Variants in SGCD observed in about 807,000 individuals in gnomAD.
SGCD encodes the protein sarcoglycan delta, also known as delta-sarcoglycan.
Under a neutral mutation model 36.6 loss-of-function variants are expected in SGCD, and 18 were observed. The observed-to-expected ratio is 0.49, with a 90% CI of 0.34 to 0.73. SGCD has a LOEUF of 0.73. Among genes scored for constraint, SGCD ranks in the 30% least tolerant of loss-of-function variants. The probability of loss-of-function intolerance (pLI) is 0.01; values close to 1 mark genes in which losing one functional copy is unlikely to be tolerated. For missense variants in SGCD, 387 were observed against 346.7 expected (o/e 1.12, Z -0.92); for synonymous variants, 133 against 130.6 (o/e 1.02, Z -0.12).
intron 3 of SGCD, among the ~76,000 whole-genome samples, chr5:156,307,192 C>A (rs1412127948): frequency 6.6e-6 from 1 of 152,032 alleles, no homozygotes; most frequent in Non-Finnish European, 1.5e-5. Flanking sequence ...TAAGTGTGCA[C>A]CAACATGCCC....
chr5:155,866,850 C>T (rs1274626194), upstream of SGCD, among the ~76,000 whole-genome samples: 2 of 152,148 alleles, frequency 1.3e-5, no homozygotes, highest in Admixed American at 6.5e-5. Flanking sequence ...TTTCCTTACA[C>T]ACACGCATGC....
chr5:156,453,458 T>G (rs1161239564), intron 3 of SGCD, among the ~76,000 whole-genome samples: 1 of 152,172 alleles, frequency 6.6e-6, no homozygotes, highest in Non-Finnish European at 1.5e-5. Flanking sequence ...ACATGAATGT[T>G]CATAGTAGCT....
chr5:156,533,844 A>T lies in SGCD; in HGVS notation c.294+25142A>T, dbSNP rs1345241017. Among the ~76,000 whole-genome samples, 5 of 152,308 alleles carry T rather than the reference A, an allele frequency of 3.3e-5. No individual in the cohort carries two copies. The East Asian group carries it at 9.7e-4, about 29-fold the overall frequency. On this transcript the variant is annotated intron_variant, in intron 4 of 8. Coordinates refer to ENST00000337851, the MANE Select transcript of SGCD (RefSeq NM_000337.6). ...TAAATAATAAGTGCAAGAACCCATAATGATTCTCATTCCTTGAACTGTTCC... is the reference window on the plus strand; with the variant it reads ...TAAATAATAAGTGCAAGAACCCATATTGATTCTCATTCCTTGAACTGTTCC...
intron 1 of SGCD, among the ~76,000 whole-genome samples, chr5:155,988,593 G>GTC (rs1758378057): frequency 6.6e-6 from 1 of 151,652 alleles, no homozygotes; most frequent in Non-Finnish European, 1.5e-5. Context: ...TCCAGTCTCC[G>GTC]TCATACTTTA....
chr5:155,773,006 ACT>A, the SGCD span, among the ~76,000 whole-genome samples: 1 of 151,890 alleles, frequency 6.6e-6, no homozygotes, highest in African/African-American at 2.4e-5. Flanking sequence ...GTAAGTAAGC[ACT>A]CTCTACGTTA....
intron 1 of SGCD, among the ~76,000 whole-genome samples, chr5:156,006,003 A>G (rs1221266385): frequency 6.6e-6 from 1 of 152,258 alleles, no homozygotes; most frequent in East Asian, 1.9e-4. Context: ...TCAGATCTAC[A>G]TTTCTCTCTT....
chr5:156,271,965 C>A (rs1766193044), intron 3 of SGCD, among the ~76,000 whole-genome samples: 1 of 152,136 alleles, frequency 6.6e-6, no homozygotes, highest in South Asian at 2.1e-4. Context: ...TTTGCTTTTC[C>A]TTTCTTAGCA....
chr5:156,500,290 CATA>C (rs1389383861), intron 3 of SGCD, among the ~76,000 whole-genome samples: 4 of 152,140 alleles, frequency 2.6e-5, no homozygotes, highest in African/African-American at 9.7e-5. Context: ...TTTCTGAGCG[CATA>C]ATAATTGCCA....
chr5:156,498,935 CGTGTGTGTGTGTGTGT>C (rs71577198), intron 3 of SGCD, among the ~76,000 whole-genome samples: 1 of 149,350 alleles, frequency 6.7e-6, no homozygotes, highest in Non-Finnish European at 1.5e-5. Context: ...ATGTGTGCTA[CGTGTGTGTGTGTGTGT>C]GTGTGTGTGT....
intron 5 of SGCD, among the ~76,000 whole-genome samples, chr5:156,591,813 T>C (rs953099372): frequency 3.3e-5 from 5 of 152,054 alleles, no homozygotes; most frequent in African/African-American, 1.2e-4. Flanking sequence ...TTCTCTAGAG[T>C]CATTTTTAAG....
chr5:156,756,048 A>G (rs1013825422), intron 7 of SGCD, among the ~76,000 whole-genome samples: 11 of 152,188 alleles, frequency 7.2e-5, no homozygotes, highest in Non-Finnish European at 1.3e-4. Context: ...GCAAAAACAG[A>G]ACAAAGAATC....
intron 1 of SGCD, among the ~76,000 whole-genome samples, chr5:155,979,621 A>G (rs1454837863): frequency 1.3e-5 from 2 of 152,176 alleles, no homozygotes; most frequent in African/African-American, 2.4e-5. Flanking sequence ...GCTCTCCACA[A>G]TTATGCCTAG....
At chr5:156,015,863 T>C (rs996045620) in intron 1 of SGCD, among the ~76,000 whole-genome samples, 1 of 149,986 alleles carries the variant, frequency 6.7e-6, no homozygotes, top group African/African-American at 2.4e-5. Context: ...ATTATATATA[T>C]AATATATGTA....
intron 1 of SGCD, among the ~76,000 whole-genome samples, chr5:156,023,377 C>G (rs1759152678): frequency 6.6e-6 from 1 of 152,220 alleles, no homozygotes; most frequent in South Asian, 2.1e-4. Flanking sequence ...ACCAACCAGT[C>G]AAGTATTGGA....
chr5:156,756,061 T>C (rs1428306398), intron 7 of SGCD, among the ~76,000 whole-genome samples: 1 of 152,120 alleles, frequency 6.6e-6, no homozygotes, highest in Non-Finnish European at 1.5e-5. Context: ...AAAGAATCAA[T>C]AGTGGGCAAG....
chr5:156,147,073 G>T (rs1337207792), intron 3 of SGCD, among the ~76,000 whole-genome samples: 2 of 152,048 alleles, frequency 1.3e-5, no homozygotes, highest in African/African-American at 4.8e-5. Flanking sequence ...AGATGGTAAA[G>T]CTGGGTCAAA....
intron 3 of SGCD, among the ~76,000 whole-genome samples, chr5:156,277,520 A>G (rs1226325925): frequency 6.6e-6 from 1 of 152,206 alleles, no homozygotes; most frequent in Non-Finnish European, 1.5e-5. Flanking sequence ...TATTGACCAC[A>G]GCATAATAAA....
At chr5:156,631,629 A>G (rs1762638243) in intron 6 of SGCD, among the ~76,000 whole-genome samples, 1 of 151,812 alleles carries the variant, frequency 6.6e-6, no homozygotes, top group Non-Finnish European at 1.5e-5. Flanking sequence ...ATTGGTAAGC[A>G]AAGATTGGGA....
At position 156,070,611 on chromosome 5, in the gene SGCD, G is replaced by T. The variant is rs551946832; in HGVS notation, c.-281-47267G>T. 1.9e-3 allele frequency among the ~76,000 whole-genome samples: 286 copies of T among 152,154 alleles called. 1 individual carries two copies. Among genetic ancestry groups the T allele is most frequent in the African/African-American group, 6.7e-3 (279 of 41,426 alleles). On this transcript the variant is annotated intron_variant, in intron 1 of 9. Coordinates refer to the SGCD transcript ENST00000517913. ...AATTCTCTTTTTTGGTTGTGTCTCT[G>T]TCAGGCTTTGGTATCAGGATGATGC...
Sources: allele counts gnomAD v4.1 joint callset (sites outside exome capture counted in the v4.1 genomes callset), GRCh38; gene constraint gnomAD v4.1.1; transcripts MANE v1.5; gene names NCBI Gene and HGNC (gene_info 2026-07-23, HGNC 2026-07-21).